The following PSEN2 variants were observed in gnomAD, a reference collection of about 807,000 sequenced individuals.
The protein encoded by PSEN2 is presenilin-2.
A neutral mutation model predicts 49.1 loss-of-function variants in PSEN2; 32 were observed. That is an observed-to-expected ratio of 0.65 (90% confidence interval 0.49 to 0.88). The LOEUF is 0.88. Among genes scored for constraint, PSEN2 ranks in the 40% least tolerant of loss-of-function variants. PSEN2 has a pLI of 0.00. For missense variants in PSEN2, 522 were observed against 586.9 expected (o/e 0.89, Z 1.14); for synonymous variants, 255 against 244.0 (o/e 1.05, Z -0.42).
intron 12 of PSEN2, among the ~76,000 whole-genome samples, chr1:226,895,207 TTCAC>T (rs1662054634): frequency 6.6e-6 from 1 of 152,194 alleles, no homozygotes; most frequent in Non-Finnish European, 1.5e-5. Flanking sequence ...TGCCTTCTGG[TTCAC>T]TCACTAACAG....
At chr1:226,896,653 G>A (rs559527955), downstream of PSEN2, among the ~76,000 whole-genome samples, 1 of 152,188 alleles carries the variant, frequency 6.6e-6, no homozygotes, top group South Asian at 2.1e-4. Context: ...CTTGAGCCCA[G>A]GAGTTTGAGA....
intron 3 of PSEN2, among the ~76,000 whole-genome samples, chr1:226,876,379 C>T (rs1660629788): frequency 1.3e-5 from 2 of 152,122 alleles, no homozygotes; most frequent in Admixed American, 6.5e-5. Context: ...AAGTTACAGC[C>T]TTTGAGTCCC....
chr1:226,883,062 G>T (rs1302137492), intron 4 of PSEN2, among the ~76,000 whole-genome samples: 1 of 152,182 alleles, frequency 6.6e-6, no homozygotes, highest in Non-Finnish European at 1.5e-5. Context: ...AGATCGGTTT[G>T]TGCTAGTGTC....
chr1:226,894,917 C>CCTG (rs1662025544), intron 12 of PSEN2, among the ~76,000 whole-genome samples: 1 of 152,186 alleles, frequency 6.6e-6, no homozygotes, highest in Non-Finnish European at 1.5e-5. Context: ...TAGAAGGCAC[C>CCTG]CTGGTTCCCT....
At chr1:226,897,645 C>T (rs1419985534), downstream of PSEN2, 1 of 155,188 alleles carries the variant, frequency 6.4e-6, no homozygotes, top group Non-Finnish European at 1.5e-5. Context: ...CGAACAAGAG[C>T]AGGGTACTGG....
chr1:226,893,959 A>G lies in PSEN2; in HGVS notation c.1073-48A>G, dbSNP rs776970096. 7 of 1,504,532 alleles carry G rather than the reference A, an allele frequency of 4.7e-6. No homozygotes were observed. The Admixed American group carries it at 6.7e-5, about 14-fold the overall frequency. The allele number at this position is 1,504,532 out of a possible 1,614,324, so 93.2% of individuals were successfully genotyped here. On this transcript the variant is annotated intron_variant, in intron 11 of 12. Coordinates refer to ENST00000366783, the MANE Select transcript of PSEN2 (RefSeq NM_000447.3). ...GGGCCAGAGTTTCTCTTCTTTTTCC[A>G]TTCTGTGCACGCCTCTTCAGTACGG...
At position 226,891,380 on chromosome 1, in the gene PSEN2, T is replaced by C; in HGVS notation, c.970+19T>C. 1 of 1,598,452 alleles carries C rather than the reference T, an allele frequency of 6.3e-7. No homozygotes were observed. Among genetic ancestry groups the C allele is most frequent in the Non-Finnish European group, 8.5e-7 (1 of 1,171,226 alleles). On this transcript the variant is annotated intron_variant, in intron 10 of 12. Coordinates refer to ENST00000366783, the MANE Select transcript of PSEN2 (RefSeq NM_000447.3). ...GAGATGGGTGAGTATCTTGGGGAGCTAACAGCCTCTCATCACTGGGGGGCA... is the reference window on the plus strand; with the variant it reads ...GAGATGGGTGAGTATCTTGGGGAGCCAACAGCCTCTCATCACTGGGGGGCA...
Position 226,881,969 on chromosome 1 carries a change from T to G in PSEN2, c.62T>G (p.Met21Arg). The G allele has an allele frequency of 6.2e-7, 1 of 1,614,074 alleles. No homozygotes were observed. Among genetic ancestry groups the G allele is most frequent in the Non-Finnish European group, 8.5e-7 (1 of 1,179,964 alleles). Residue 21 changes from methionine (M) to arginine (R), a missense_variant, in exon 4 of 13, where the codon ATG becomes AGG. Transcript: ENST00000366783. ...GTGTGTGATGAGCGGACGTCCCTAA[T>G]GTCGGCTGAGAGCCCCACGCCGCGC... is the stretch of plus-strand genomic sequence containing the variant. ...EEVCDERTSL[M>R]SAESPTPRSC... is the part of the protein sequence containing the mutation.
chr1:226,895,540 G>T lies in PSEN2; in HGVS notation c.1308G>T (p.Pro436=). The T allele has an allele frequency of 6.2e-6, 10 of 1,613,706 alleles. No homozygotes were observed. The highest frequency in any genetic ancestry group is 8.5e-6 in the Non-Finnish European group (10 of 1,179,838). The part of the protein sequence containing the change: ...FYFSTDNLVR[P]FMDTLASHQL... ...TCTCCACGGACAACCTGGTGCGGCCGTTCATGGACACCCTGGCCTCCCATC... is the reference window on the plus strand; with the variant it reads ...TCTCCACGGACAACCTGGTGCGGCCTTTCATGGACACCCTGGCCTCCCATC... The change falls in exon 13 of 13, where the codon CCG becomes CCT. Residue 436 remains proline, a synonymous_variant. Transcript: ENST00000366783.
In PSEN2 at chr1:226,891,201, A is replaced by G. The variant is rs541905012; in HGVS notation, c.887-77A>G. The G allele has an allele frequency of 4.7e-5, 61 of 1,293,946 alleles. No homozygotes were observed. In the African/African-American group the frequency reaches 8.0e-4, roughly 17 times the overall value. The allele number at this position is 1,293,946 out of a possible 1,614,324, so 80.2% of individuals were successfully genotyped here. Reference sequence around the variant, plus strand: ...CCTGTGCAGGCTTTCTGGGACGCAGACTGGCCACCTCCCCCAGGCCCTGCA... The same window carrying G: ...CCTGTGCAGGCTTTCTGGGACGCAGGCTGGCCACCTCCCCCAGGCCCTGCA... On this transcript the variant is annotated intron_variant, in intron 9 of 12. Coordinates refer to ENST00000366783, the MANE Select transcript of PSEN2 (RefSeq NM_000447.3).
chr1:226,892,144 G>A (rs1661801894), intron 11 of PSEN2, among the ~76,000 whole-genome samples: 1 of 152,126 alleles, frequency 6.6e-6, no homozygotes, highest in Admixed American at 6.5e-5. Flanking sequence ...AGACTGAGAA[G>A]CCAAGGACTA....
At chr1:226,888,179 A>G (rs374918606) in intron 7 of PSEN2, 21 bp downstream of exon 7, 3 of 1,598,702 alleles carry the variant, frequency 1.9e-6, no homozygotes, top group Admixed American at 1.7e-5. Context: ...GATAAGCAGC[A>G]GGGTCCCTGG....
At chr1:226,890,500 C>A in intron 9 of PSEN2, 1 of 326,660 alleles carries the variant, frequency 3.1e-6, no homozygotes, top group South Asian at 2.8e-5. Context: ...GAGCAAGGAG[C>A]TTCTGGGCTT....
In PSEN2 at chr1:226,871,330, A is replaced by C. The variant is rs1205072701; in HGVS notation, c.-281A>C. 6.6e-6 allele frequency: 1 copy of C among 152,306 alleles called. No individual in the cohort carries two copies. The highest frequency in any genetic ancestry group is 2.4e-5 in the African/African-American group (1 of 41,466). 9.4% of individuals were successfully genotyped at this position (152,306 alleles called of 1,614,324 possible). ...GCTGAAGGAACCTGAGACAGAAGCT[A>C]GTCCCCCCTCTGAATTTTACTGATG... On this transcript the variant is annotated 5_prime_UTR_variant, in exon 2 of 13. Coordinates refer to ENST00000366783, the MANE Select transcript of PSEN2 (RefSeq NM_000447.3).
At chr1:226,875,224 A>C (rs1328507068) in intron 2 of PSEN2, 141 bp from the exon 3 acceptor site, 1 of 152,278 alleles carries the variant, frequency 6.6e-6, no homozygotes, top group African/African-American at 2.4e-5. Context: ...GGTATGTGTT[A>C]CTATATGAGC....
At position 226,894,090 on chromosome 1, in the gene PSEN2, A is replaced by G. The variant is rs149172004; in HGVS notation, c.1156A>G (p.Asn386Asp). The G allele has an allele frequency of 6.2e-7, 1 of 1,614,038 alleles. No homozygotes were observed. Among genetic ancestry groups the G allele is most frequent in the Non-Finnish European group, 8.5e-7 (1 of 1,180,014 alleles). The change falls in exon 12 of 13, where the codon AAT becomes GAT. Residue 386 changes from asparagine (N) to aspartate (D), a missense_variant. By Grantham distance (23) the Asn-to-Asp change is conservative. Transcript: ENST00000366783. ...GGCTGCCACGGGCAGCGGGGACTGG[A>G]ATACCACGCTGGCCTGCTTCGTGGC... ...KAAATGSGDWNTTLACFVAIL... is the reference protein window; with the variant it reads ...KAAATGSGDWDTTLACFVAIL...
At chr1:226,880,702 G>A in intron 3 of PSEN2, 1 of 1,612,942 alleles carries the variant, frequency 6.2e-7, no homozygotes, top group Non-Finnish European at 8.5e-7. Context: ...TCCCAGCCCA[G>A]AAACCTGCAT....
At chr1:226,891,026 G>T in intron 9 of PSEN2, 1 of 546,694 alleles carries the variant, frequency 1.8e-6, no homozygotes, top group South Asian at 2.0e-5. Flanking sequence ...GAACTGTGAG[G>T]TCTTGGCTCT....
downstream of PSEN2, among the ~76,000 whole-genome samples, chr1:226,900,035 C>T (rs906406694): frequency 4.6e-5 from 7 of 152,128 alleles, no homozygotes; most frequent in African/African-American, 1.2e-4. Context: ...GTGGTTATGG[C>T]GTGTCTTTTG....
Sources: allele counts gnomAD v4.1 joint callset (sites outside exome capture counted in the v4.1 genomes callset), GRCh38; gene constraint gnomAD v4.1.1; transcripts MANE v1.5; gene names NCBI Gene and HGNC (gene_info 2026-07-23, HGNC 2026-07-21).